Variants in HDAC4 observed in about 807,000 individuals in gnomAD.
HDAC4 encodes histone deacetylase 4, also known as histone deacetylase A.
A neutral mutation model predicts 135.1 loss-of-function variants in HDAC4; 16 were observed. The observed-to-expected ratio is 0.12, with a 90% CI of 0.08 to 0.18. HDAC4 has a LOEUF of 0.18. Ranked by LOEUF, HDAC4 falls within the 10% of genes least tolerant of loss-of-function variation. The pLI, the probability that HDAC4 is intolerant of heterozygous loss-of-function variation, is 1.00. For synonymous variants in HDAC4, 685 were observed against 653.4 expected, an observed-to-expected ratio of 1.05 and a Z score of -0.74; for missense variants, 1,143 against 1,511.8, an observed-to-expected ratio of 0.76 and a Z score of 4.05.
intron 8 of HDAC4, among the ~76,000 whole-genome samples, chr2:239,144,128 T>C (rs568668456): frequency 3.9e-4 from 59 of 152,274 alleles, no homozygotes; most frequent in African/African-American, 1.4e-3. Flanking sequence ...CTTGCTTCCC[T>C]CCCTGCTCAG....
intron 2 of HDAC4, among the ~76,000 whole-genome samples, chr2:239,289,540 G>C (rs563713048): frequency 1.3e-5 from 2 of 152,282 alleles, no homozygotes; most frequent in African/African-American, 4.8e-5. Context: ...TAAGTGCCCA[G>C]CACCAGGCCA....
chr2:239,094,238 A>G (rs779780153), intron 17 of HDAC4: 3 of 985,376 alleles, frequency 3.0e-6, no homozygotes, highest in Non-Finnish European at 3.6e-6. Flanking sequence ...CGCCCTCGCT[A>G]TTGCCACCCC....
At chr2:239,279,698 G>T (rs1476286762) in intron 2 of HDAC4, among the ~76,000 whole-genome samples, 3 of 152,164 alleles carry the variant, frequency 2.0e-5, no homozygotes, top group Admixed American at 2.0e-4. Context: ...TGAGAGCAGG[G>T]GACCTGGGGA....
Position 239,062,279 on chromosome 2 carries a change from G to A in HDAC4, c.3003+4443C>T, listed in dbSNP as rs559724666. Among the ~76,000 whole-genome samples the A allele has an allele frequency of 8.5e-5, 13 of 152,366 alleles. No individual in the cohort carries two copies. In the East Asian group the frequency reaches 1.7e-3, roughly 20 times the overall value. The stretch of plus-strand genomic sequence containing the variant: ...AAGGCCCCTCTGCGCTTCCTGTCCC[G>A]CACACCCTATAACTCAGCCACTTCT... On this transcript the variant is annotated intron_variant, in intron 24 of 26. Transcript: ENST00000543185.
chr2:239,216,433 T>G (rs2046644825), intron 3 of HDAC4, among the ~76,000 whole-genome samples: 1 of 152,184 alleles, frequency 6.6e-6, no homozygotes, highest in South Asian at 2.1e-4. Flanking sequence ...GAGGGCGCCC[T>G]ACCAGCCCTG....
rs2045788993 is a variant in HDAC4 at position 239,202,049 on chromosome 2, C to G, written c.95-11972G>C. Among the ~76,000 whole-genome samples the G allele has an allele frequency of 3.9e-5, 6 of 152,302 alleles. No homozygotes were observed. The South Asian group carries it at 1.2e-3, about 32-fold the overall frequency. On this transcript the variant is annotated intron_variant, in intron 3 of 26. Transcript: ENST00000543185. ...TCCACCCCCCTGCAGGCATCTCCAG[C>G]ATCCCAGGGCTTCTCCGGGTCTGCT... is the stretch of plus-strand genomic sequence containing the variant.
rs764264987 is a variant in HDAC4, at chr2:239,134,268, G to T, written c.1271C>A (p.Pro424Gln). 2 of 1,612,238 alleles carry T rather than the reference G, an allele frequency of 1.2e-6. No homozygotes were observed. The highest frequency in any genetic ancestry group is 2.2e-5 in the South Asian group (2 of 91,078). ...LQHMVLLEQP[P>Q]AQAPLVTDWY... ...ACCTGTGACGAGGGGTGCTTGTGCC[G>T]GCGGCTGCTCCAGTAAGACCATGTG... The change falls in exon 11 of 27, where the codon CCG becomes CAG. Residue 424 changes from proline to glutamine, a missense_variant. Transcript: ENST00000543185.
At chr2:239,061,663 T>G (rs1208413299) in intron 24 of HDAC4, among the ~76,000 whole-genome samples, 1 of 152,190 alleles carries the variant, frequency 6.6e-6, no homozygotes, top group African/African-American at 2.4e-5. Flanking sequence ...GGCAGCCAGC[T>G]CTCAGGTTAA....
At chr2:239,221,347 C>A (rs563844635) in intron 3 of HDAC4, among the ~76,000 whole-genome samples, 4 of 152,058 alleles carry the variant, frequency 2.6e-5, no homozygotes, top group African/African-American at 9.6e-5. Context: ...TTCTGGGAAA[C>A]CCTCTGGAAA....
intron 12 of HDAC4, among the ~76,000 whole-genome samples, chr2:239,119,810 G>A (rs546888301): frequency 6.6e-6 from 1 of 152,216 alleles, no homozygotes; most frequent in Non-Finnish European, 1.5e-5. Flanking sequence ...GCCACAGGAA[G>A]GTGCTAATGA....
chr2:239,230,826 G>A (rs182337460), intron 3 of HDAC4, among the ~76,000 whole-genome samples: 62 of 152,290 alleles, frequency 4.1e-4, no homozygotes, highest in African/African-American at 1.4e-3. Flanking sequence ...GAGGTCACAC[G>A]TCCTTGCAGA....
intron 3 of HDAC4, among the ~76,000 whole-genome samples, chr2:239,203,908 T>C (rs1231727432): frequency 1.3e-5 from 2 of 152,188 alleles, no homozygotes; most frequent in Admixed American, 6.5e-5. Flanking sequence ...AAATAGGAGC[T>C]GATTTGTTCT....
intron 19 of HDAC4, among the ~76,000 whole-genome samples, chr2:239,084,449 TCA>T (rs1026439737): frequency 3.7e-5 from 5 of 133,892 alleles, no homozygotes; most frequent in African/African-American, 1.4e-4. Context: ...GCAGACACAC[TCA>T]CACGCGTGCG....
intron 15 of HDAC4, 60 bp from the exon 16 acceptor site, chr2:239,102,956 C>T (rs2152766151): frequency 5.6e-6 from 9 of 1,607,130 alleles, no homozygotes; most frequent in Non-Finnish European, 7.7e-6. Flanking sequence ...TTCAGCTCCA[C>T]AGACAGAAAC....
chr2:239,074,418 G>C (rs2152646349), intron 22 of HDAC4, among the ~76,000 whole-genome samples: 1 of 152,344 alleles, frequency 6.6e-6, no homozygotes, highest in South Asian at 2.1e-4. Flanking sequence ...AAGAAGTCCT[G>C]TGAAAATCGC....
chr2:239,323,964 T>C (rs1177243494), intron 2 of HDAC4, among the ~76,000 whole-genome samples: 7 of 152,140 alleles, frequency 4.6e-5, no homozygotes, highest in Non-Finnish European at 1.5e-5. Context: ...CTCTATTGCT[T>C]CCCCTAGAAT....
chr2:239,181,915 T>A (rs2044176880), intron 4 of HDAC4, among the ~76,000 whole-genome samples: 2 of 152,214 alleles, frequency 1.3e-5, no homozygotes, highest in Admixed American at 6.5e-5. Flanking sequence ...AGACGCCGAC[T>A]TCCTGCAGAC....
chr2:239,369,612 G>A (rs1694464050), intron 1 of HDAC4, among the ~76,000 whole-genome samples: 1 of 152,152 alleles, frequency 6.6e-6, no homozygotes, highest in South Asian at 2.1e-4. Context: ...ATCAAGAGAC[G>A]GGTCAAGCCC....
chr2:239,124,280 G>A (rs1204899616), intron 12 of HDAC4, among the ~76,000 whole-genome samples: 6 of 152,168 alleles, frequency 3.9e-5, no homozygotes, highest in African/African-American at 9.7e-5. Context: ...AAGAAGAGGC[G>A]CTGTTCCCCA....
Sources: gnomAD v4.1 joint callset for allele counts (sites outside exome capture counted in the v4.1 genomes callset) on GRCh38, gnomAD v4.1.1 for gene constraint, MANE v1.5 for transcripts, NCBI Gene and HGNC (gene_info 2026-07-23, HGNC 2026-07-21) for gene names.